RFFL: variants seen among roughly 807,000 people sequenced by gnomAD.
The protein encoded by RFFL is ring finger and FYVE like domain containing E3 ubiquitin protein ligase, also known as E3 ubiquitin-protein ligase rififylin.
RFFL carries 16 observed loss-of-function variants against 40.4 expected under a neutral mutation model. That is an observed-to-expected ratio of 0.40 (90% CI 0.27 to 0.60). The LOEUF (loss-of-function observed/expected upper bound fraction) is 0.60, where lower values mean the gene tolerates loss of function less well. Ranked by LOEUF, RFFL falls within the 20% of genes least tolerant of loss-of-function variation. RFFL has a pLI of 0.47. For missense variants in RFFL, 367 were observed against 451.7 expected (o/e 0.81, Z 1.70); for synonymous variants, 154 against 167.9 (o/e 0.92, Z 0.64).
At chr17:35,051,221 G>A (rs544621839) in intron 1 of RFFL, among the ~76,000 whole-genome samples, 13 of 152,296 alleles carry the variant, frequency 8.5e-5, no homozygotes, top group East Asian at 7.7e-4. Flanking sequence ...AAAGGCAAGG[G>A]CTGTAAAGGA....
At chr17:35,075,745 A>G (rs1356010237) in intron 1 of RFFL, among the ~76,000 whole-genome samples, 1 of 152,198 alleles carries the variant, frequency 6.6e-6, no homozygotes, top group Non-Finnish European at 1.5e-5. Context: ...CATTATAACC[A>G]CAAAAACTAA....
chr17:35,028,066 G>A (rs1028345809), intron 1 of RFFL, among the ~76,000 whole-genome samples: 6 of 151,464 alleles, frequency 4.0e-5, no homozygotes, highest in Non-Finnish European at 8.8e-5. Context: ...CAGGTGTGGT[G>A]GCTCACGCCT....
chr17:35,063,961 A>G (rs904140586), upstream of RFFL: 3 of 152,348 alleles, frequency 2.0e-5, no homozygotes, highest in South Asian at 2.1e-4. Flanking sequence ...CAGAGCCCTT[A>G]CCCAAAAAGT....
At chr17:35,041,891 T>A (rs1324663860) in intron 1 of RFFL, among the ~76,000 whole-genome samples, 1 of 152,098 alleles carries the variant, frequency 6.6e-6, no homozygotes, top group Non-Finnish European at 1.5e-5. Flanking sequence ...GGCACATGCC[T>A]GTAGTCCCAG....
intron 1 of RFFL, among the ~76,000 whole-genome samples, chr17:35,077,886 A>C (rs1022799153): frequency 6.6e-6 from 1 of 152,224 alleles, no homozygotes; most frequent in Non-Finnish European, 1.5e-5. Flanking sequence ...AAAGAGCACA[A>C]ATCCACAGTA....
intron 1 of RFFL, among the ~76,000 whole-genome samples, chr17:35,048,447 T>A (rs530601023): frequency 5.3e-4 from 81 of 152,210 alleles, no homozygotes; most frequent in African/African-American, 1.9e-3. Context: ...AATTTAGGTA[T>A]GCCAATACCT....
Position 35,011,304 on chromosome 17 carries a change from G to C in RFFL, c.*664C>G, listed in dbSNP as rs1160180390. ...CCAGAGTCAGGTCAGGAGACCAACAGCTTCCAATCCCAGCATTTAATGAAG... is the reference window on the plus strand; with the variant it reads ...CCAGAGTCAGGTCAGGAGACCAACACCTTCCAATCCCAGCATTTAATGAAG... On this transcript the variant is annotated 3_prime_UTR_variant, in exon 7 of 7. Coordinates refer to ENST00000394597, the MANE Select transcript of RFFL (RefSeq NM_001017368.2). 1 of 152,256 alleles carries C rather than the reference G, an allele frequency of 6.6e-6. No individual in the cohort carries two copies. Among genetic ancestry groups the C allele is most frequent in the African/African-American group, 2.4e-5 (1 of 41,450 alleles). The allele number at this position is 152,256 out of a possible 1,614,324, so 9.4% of individuals were successfully genotyped here. A position where few individuals can be genotyped will look rare whatever the true frequency, so the allele number is the denominator to read the frequency against.
chr17:35,020,506 A>C (rs1166055508), intron 3 of RFFL, among the ~76,000 whole-genome samples: 1 of 151,312 alleles, frequency 6.6e-6, no homozygotes, highest in Non-Finnish European at 1.5e-5. Flanking sequence ...GAATAGTTTC[A>C]TCCCAAAACC....
intron 1 of RFFL, among the ~76,000 whole-genome samples, chr17:35,035,682 C>CAT (rs1351549259): frequency 2.7e-5 from 4 of 148,368 alleles, no homozygotes; most frequent in Admixed American, 6.8e-5. Context: ...TATTTTACTC[C>CAT]ATATATATAT....
At position 35,012,130 on chromosome 17, in the gene RFFL, G is replaced by A. The variant is rs114994485; in HGVS notation, c.930C>T (p.Gly310=). The A allele has an allele frequency of 6.4e-4, 1,038 of 1,614,030 alleles. 11 individuals are homozygous for A. In the African/African-American group the frequency reaches 0.012, roughly 19 times the overall value. The part of the protein sequence containing the change: ...EDQNGGAVPS[G]LEENLCKICM... Reference sequence around the variant, plus strand: ...AGATCTTACACAGGTTCTCCTCCAAGCCTGATGGTACTGCTCCCCCTGTAC... The same window carrying A: ...AGATCTTACACAGGTTCTCCTCCAAACCTGATGGTACTGCTCCCCCTGTAC... The change falls in exon 7 of 7, where the codon GGC becomes GGT. Residue 310 remains glycine, a synonymous_variant. Transcript: ENST00000394597.
chr17:35,062,864 T>C (rs2091301433), intron 1 of RFFL, among the ~76,000 whole-genome samples: 1 of 152,158 alleles, frequency 6.6e-6, no homozygotes, highest in Non-Finnish European at 1.5e-5. Flanking sequence ...CTAGTAGAAT[T>C]AGAGATGAGG....
intron 1 of RFFL, among the ~76,000 whole-genome samples, chr17:35,070,313 G>C (rs2091341366): frequency 6.6e-6 from 1 of 152,112 alleles, no homozygotes; most frequent in African/African-American, 2.4e-5. Context: ...GAGATCACTG[G>C]TGCATGCCAC....
intron 1 of RFFL, among the ~76,000 whole-genome samples, chr17:35,026,862 C>T (rs1168393597): frequency 2.0e-5 from 3 of 152,104 alleles, no homozygotes; most frequent in Non-Finnish European, 4.4e-5. Flanking sequence ...CCCGCCATCA[C>T]GCCCGGCTTT....
At chr17:35,020,735 G>A (rs1209201128) in intron 3 of RFFL, among the ~76,000 whole-genome samples, 3 of 152,088 alleles carry the variant, frequency 2.0e-5, no homozygotes, top group Non-Finnish European at 2.9e-5. Flanking sequence ...TGAGGACAGA[G>A]ACAGTTTATT....
At chr17:35,063,368 T>C (rs966313760) in intron 1 of RFFL, among the ~76,000 whole-genome samples, 2 of 134,460 alleles carry the variant, frequency 1.5e-5, no homozygotes, top group Admixed American at 9.2e-5. Flanking sequence ...GGCAGGAGAA[T>C]CACTTGAACC....
At chr17:35,055,099 T>C (rs2091252882) in intron 1 of RFFL, among the ~76,000 whole-genome samples, 1 of 151,978 alleles carries the variant, frequency 6.6e-6, no homozygotes. Context: ...TTTGTATTTT[T>C]AGTAGACACG....
chr17:35,061,816 G>T (rs1210041965), intron 1 of RFFL, among the ~76,000 whole-genome samples: 1 of 151,888 alleles, frequency 6.6e-6, no homozygotes. Context: ...GAGTAACTGG[G>T]ATTATAGGCA....
chr17:35,086,671 G>A (rs1220726257), intron 1 of RFFL, among the ~76,000 whole-genome samples: 1 of 152,202 alleles, frequency 6.6e-6, no homozygotes, highest in Admixed American at 6.5e-5. Context: ...TAAACTATGC[G>A]TTCTCATTAA....
At chr17:35,026,809 G>A (rs761768392) in intron 1 of RFFL, among the ~76,000 whole-genome samples, 51 of 152,184 alleles carry the variant, frequency 3.4e-4, no homozygotes, top group Admixed American at 2.6e-3. Flanking sequence ...GGGTTCAAGC[G>A]ATTCTCCAGC....
Sources: allele counts gnomAD v4.1 joint callset (sites outside exome capture counted in the v4.1 genomes callset), GRCh38; gene constraint gnomAD v4.1.1; transcripts MANE v1.5; gene names NCBI Gene and HGNC (gene_info 2026-07-23, HGNC 2026-07-21).